Variants in ABLIM1 observed in about 807,000 individuals in gnomAD.
ABLIM1 encodes actin-binding LIM protein 1.
In ABLIM1, 40 loss-of-function variants were observed where a neutral mutation model predicts 107.0. The ratio of observed to expected loss-of-function variants is 0.37; its 90% CI spans 0.29 to 0.49. The LOEUF (loss-of-function observed/expected upper bound fraction) is 0.49. ABLIM1 is among the 20% of genes least tolerant of loss of function. ABLIM1 has a pLI of 0.97. For synonymous variants in ABLIM1, 357 were observed against 357.3 expected (o/e 1.00, Z 0.01); for missense variants, 857 against 1,008.5 (o/e 0.85, Z 2.04).
upstream of ABLIM1, among the ~76,000 whole-genome samples, chr10:114,688,928 A>T (rs545475153): frequency 5.3e-5 from 8 of 152,322 alleles, no homozygotes; most frequent in South Asian, 1.7e-3. Flanking sequence ...AAAAGTCTGA[A>T]TACTCAAAGA....
intron 6 of ABLIM1, among the ~76,000 whole-genome samples, chr10:114,521,128 G>A (rs1415427359): frequency 6.6e-6 from 1 of 152,204 alleles, no homozygotes; most frequent in Non-Finnish European, 1.5e-5. Context: ...AAGGGAGGAG[G>A]TGAGGTCTTA....
chr10:114,780,627 T>C, the ABLIM1 span, among the ~76,000 whole-genome samples: 1 of 152,134 alleles, frequency 6.6e-6, no homozygotes, highest in African/African-American at 2.4e-5. Flanking sequence ...TTTGGTTTGG[T>C]GGTGTGAAAC....
chr10:114,641,922 A>T lies in ABLIM1; in HGVS notation c.244+16035T>A, dbSNP rs541650188. On this transcript the variant is annotated intron_variant, in intron 1 of 22. Coordinates refer to ENST00000533213, the MANE Select transcript of ABLIM1 (RefSeq NM_002313.7). ...TTTTGAGACAAGGTATCACTCTGTT[A>T]CCCAGGCCAGAGTGCAGTGGCATGA... Among the ~76,000 whole-genome samples the T allele has an allele frequency of 6.7e-5, 10 of 150,200 alleles. No individual in the cohort carries two copies. The South Asian group carries it at 2.1e-3, about 31-fold the overall frequency.
At chr10:114,553,891 T>C (rs962247030) in intron 4 of ABLIM1, among the ~76,000 whole-genome samples, 1 of 152,160 alleles carries the variant, frequency 6.6e-6, no homozygotes, top group Non-Finnish European at 1.5e-5. Context: ...CCATGGATGG[T>C]ACCCACATTA....
upstream of ABLIM1, among the ~76,000 whole-genome samples, chr10:114,685,438 G>A (rs2080908590): frequency 6.6e-6 from 1 of 152,268 alleles, no homozygotes; most frequent in Middle Eastern, 3.4e-3. Flanking sequence ...GAAACACATT[G>A]GCCAAATGCA....
the ABLIM1 span, among the ~76,000 whole-genome samples, chr10:114,800,922 CAAAAA>C: frequency 2.0e-5 from 3 of 149,634 alleles, no homozygotes; most frequent in African/African-American, 7.4e-5. Flanking sequence ...AAATAAAAAA[CAAAAA>C]AAAAGAAAAG....
intron 1 of ABLIM1, among the ~76,000 whole-genome samples, chr10:114,675,052 T>C (rs977356326): frequency 6.6e-6 from 1 of 152,116 alleles, no homozygotes; most frequent in Admixed American, 6.5e-5. Context: ...AAATGCTCCC[T>C]ATGTCCTGAG....
chr10:114,528,106 G>A (rs1184217653), intron 6 of ABLIM1, among the ~76,000 whole-genome samples: 2 of 152,096 alleles, frequency 1.3e-5, no homozygotes, highest in African/African-American at 4.8e-5. Flanking sequence ...AAAGTGCTGG[G>A]ATTACAGGCG....
At chr10:114,547,160 A>T (rs943723641) in intron 5 of ABLIM1, among the ~76,000 whole-genome samples, 4 of 144,952 alleles carry the variant, frequency 2.8e-5, no homozygotes, top group Admixed American at 2.8e-4. Context: ...GCTACATTTA[A>T]AAAAAAAAAA....
chr10:114,583,462 CACACACATATATATAT>C (rs2073799673), intron 2 of ABLIM1, among the ~76,000 whole-genome samples: 2 of 9,086 alleles, frequency 2.2e-4, no homozygotes, highest in African/African-American at 3.6e-4. Context: ...CACACACACA[CACACACATATATATAT>C]ATATATATAT....
chr10:114,623,283 ACG>A (rs1332694749), intron 1 of ABLIM1, among the ~76,000 whole-genome samples: 1 of 152,196 alleles, frequency 6.6e-6, no homozygotes, highest in Admixed American at 6.5e-5. Flanking sequence ...TCTCCAAGTC[ACG>A]CTGAGCCCCA....
chr10:114,476,283 T>C, intron 8 of ABLIM1, among the ~76,000 whole-genome samples: 1 of 152,158 alleles, frequency 6.6e-6, no homozygotes, highest in East Asian at 1.9e-4. Context: ...CACAGGCATA[T>C]CTCAATATGA....
At chr10:114,689,761 G>A (rs1237295467), upstream of ABLIM1, among the ~76,000 whole-genome samples, 1 of 150,834 alleles carries the variant, frequency 6.6e-6, no homozygotes, top group Non-Finnish European at 1.5e-5. Flanking sequence ...AAAGATTCGA[G>A]ATGAAATTTC....
intron 22 of ABLIM1, among the ~76,000 whole-genome samples, chr10:114,437,307 C>T (rs939615674): frequency 2.0e-5 from 3 of 148,592 alleles, no homozygotes; most frequent in African/African-American, 7.5e-5. Context: ...TTCTTTTTTT[C>T]TTTTTCTTTC....
At chr10:114,713,058 G>T in intron 1 of ABLIM1, among the ~76,000 whole-genome samples, 1 of 152,126 alleles carries the variant, frequency 6.6e-6, no homozygotes, top group East Asian at 1.9e-4. Flanking sequence ...CTTAAAAAAA[G>T]GAAAGAATAT....
At chr10:114,507,707 T>C (rs934937842) in intron 6 of ABLIM1, among the ~76,000 whole-genome samples, 4 of 152,322 alleles carry the variant, frequency 2.6e-5, no homozygotes, top group East Asian at 3.9e-4. Flanking sequence ...GACCGTGCCA[T>C]GGCTGGACAC....
chr10:114,486,938 A>G (rs2058279017), intron 8 of ABLIM1, among the ~76,000 whole-genome samples: 3 of 152,224 alleles, frequency 2.0e-5, no homozygotes, highest in South Asian at 2.1e-4. Context: ...AAGCAAACAC[A>G]CTAGGAAAAT....
At chr10:114,537,692 C>A (rs1478489055) in intron 6 of ABLIM1, among the ~76,000 whole-genome samples, 1 of 152,176 alleles carries the variant, frequency 6.6e-6, no homozygotes, top group Non-Finnish European at 1.5e-5. Context: ...AGTCAGGATA[C>A]AGTGGTGGCT....
intron 3 of ABLIM1, 89 bp downstream of exon 3, chr10:114,575,326 CA>C: frequency 7.0e-7 from 1 of 1,429,112 alleles, no homozygotes; most frequent in Non-Finnish European, 9.6e-7. Context: ...CTACTCAAGA[CA>C]AAAGGTGTAT....
Sources: gnomAD v4.1 joint callset for allele counts (sites outside exome capture counted in the v4.1 genomes callset) on GRCh38, gnomAD v4.1.1 for gene constraint, MANE v1.5 for transcripts, NCBI Gene and HGNC (gene_info 2026-07-23, HGNC 2026-07-21) for gene names.